Variants in CYTH4 observed in about 807,000 individuals in gnomAD.
CYTH4 encodes the protein cytohesin 4, also known as cytohesin-4.
CYTH4 carries 22 observed loss-of-function variants against 57.5 expected under a neutral mutation model. That is an observed-to-expected ratio of 0.38 (90% confidence interval 0.27 to 0.55). The LOEUF (loss-of-function observed/expected upper bound fraction) is 0.55, where lower values mean the gene tolerates loss of function less well. CYTH4 is among the 20% of genes least tolerant of loss of function. CYTH4 has a pLI of 0.74. For missense variants in CYTH4, 420 were observed against 535.6 expected (o/e 0.78, Z 2.13); for synonymous variants, 186 against 206.5 (o/e 0.90, Z 0.85).
chr22:37,305,894 G>A (rs947392653), intron 8 of CYTH4, among the ~76,000 whole-genome samples: 1 of 152,148 alleles, frequency 6.6e-6, no homozygotes, highest in South Asian at 2.1e-4. Flanking sequence ...TGGTAGTCAG[G>A]GGACAGGAGG....
chr22:37,304,184 T>C (rs1056312143), intron 8 of CYTH4: 22 of 456,414 alleles, frequency 4.8e-5, no homozygotes, highest in African/African-American at 4.2e-4. Flanking sequence ...TACATGGGAG[T>C]GCTCCCAGAG....
At chr22:37,297,760 G>A (rs1270693161) in intron 5 of CYTH4, 78 bp downstream of exon 5, 5 of 1,258,660 alleles carry the variant, frequency 4.0e-6, no homozygotes, top group Non-Finnish European at 5.8e-6. Context: ...GTGCAGGTGA[G>A]AGGATGAATT....
chr22:37,285,477 A>G (rs553400448), intron 1 of CYTH4, among the ~76,000 whole-genome samples: 36 of 152,256 alleles, frequency 2.4e-4, no homozygotes, highest in African/African-American at 8.2e-4. Flanking sequence ...AGGCCAAGGC[A>G]GGTGGATCAC....
At position 37,313,458 on chromosome 22, in the gene CYTH4, C is replaced by A; in HGVS notation, c.1132C>A (p.Pro378Thr). 1.2e-6 allele frequency: 2 copies of A among 1,614,150 alleles called. No homozygotes were observed. Among genetic ancestry groups the A allele is most frequent in the Non-Finnish European group, 1.7e-6 (2 of 1,179,992 alleles). ...ESIRASITRV[P>T]FYDLVSTRKK... Reference sequence around the variant, plus strand: ...TTCTAGAGCCAGCATCACCCGTGTCCCCTTCTACGACCTGGTCTCTACTCG... The same window carrying A: ...TTCTAGAGCCAGCATCACCCGTGTCACCTTCTACGACCTGGTCTCTACTCG... The change falls in exon 13 of 13, where the codon CCC becomes ACC. Residue 378 changes from proline (P) to threonine (T), a missense_variant. Pro to Thr is a conservative substitution (Grantham distance 38, BLOSUM62 -1). Coordinates refer to ENST00000248901, the MANE Select transcript of CYTH4 (RefSeq NM_013385.5).
At chr22:37,296,320 A>G in intron 4 of CYTH4, 1 of 525,186 alleles carries the variant, frequency 1.9e-6, no homozygotes, top group Non-Finnish European at 3.4e-6. Context: ...CACTTGGCCT[A>G]GTCCCTTCCC....
chr22:37,313,016 T>C (rs74356564), intron 12 of CYTH4, among the ~76,000 whole-genome samples: 3,857 of 152,296 alleles, frequency 0.025, 162 homozygotes, highest in African/African-American at 0.09. Context: ...ACCTCCATCT[T>C]ACACATGAGG....
chr22:37,297,900 A>C, intron 5 of CYTH4: 1 of 440,654 alleles, frequency 2.3e-6, no homozygotes, highest in East Asian at 4.4e-5. Context: ...CTCAGGGTCT[A>C]CTGTGTTCCA....
At chr22:37,293,672 G>A (rs570702538) in intron 2 of CYTH4, among the ~76,000 whole-genome samples, 1 of 152,322 alleles carries the variant, frequency 6.6e-6, no homozygotes, top group South Asian at 2.1e-4. Context: ...CCAGCACCCT[G>A]CAGATCCTGG....
At chr22:37,309,876 C>A in intron 9 of CYTH4, 1 of 367,932 alleles carries the variant, frequency 2.7e-6, no homozygotes, top group Admixed American at 3.3e-5. Context: ...GGCCTGCACC[C>A]TGCAGAGAGC....
At chr22:37,291,398 G>C (rs1288205917) in intron 1 of CYTH4, among the ~76,000 whole-genome samples, 2 of 152,134 alleles carry the variant, frequency 1.3e-5, no homozygotes, top group Non-Finnish European at 2.9e-5. Flanking sequence ...CATTCCCTCT[G>C]TGTTCTTTTG....
At chr22:37,292,843 AG>A (rs1928800786) in intron 2 of CYTH4, 140 bp downstream of exon 2, 1 of 734,832 alleles carries the variant, frequency 1.4e-6, no homozygotes, top group South Asian at 1.9e-5. Flanking sequence ...CCCCAGCCCC[AG>A]GAGCAGGGAG....
intron 9 of CYTH4, among the ~76,000 whole-genome samples, 172 bp from the exon 10 acceptor site, chr22:37,310,816 T>G (rs113683846): frequency 6.6e-6 from 1 of 152,126 alleles, no homozygotes; most frequent in African/African-American, 2.4e-5. Context: ...CAGGAGCCAC[T>G]AAGGTTCTTG....
chr22:37,283,191 C>G (rs1401610180), intron 1 of CYTH4, among the ~76,000 whole-genome samples: 1 of 145,764 alleles, frequency 6.9e-6, no homozygotes, highest in Admixed American at 6.8e-5. Context: ...CTGCCTAGAG[C>G]CAGGGGAGGG....
Position 37,303,291 on chromosome 22 carries a change from C to T in CYTH4, c.585C>T (p.Leu195=). ...CYVLSFSIIM[L]NTSLHNPNVR... is the part of the protein sequence containing the mutation. ...TGTTGTCCTTCTCCATCATCATGCT[C>T]AACACCAGCCTCCACAATCCCAACG... The change falls in exon 8 of 13, where the codon CTC becomes CTT. Residue 195 remains leucine (L), a synonymous_variant. Transcript: ENST00000248901. 1 of 1,614,222 alleles carries T rather than the reference C, an allele frequency of 6.2e-7. No homozygotes were observed. The highest frequency in any genetic ancestry group is 8.5e-7 in the Non-Finnish European group (1 of 1,180,028).
chr22:37,288,282 C>T (rs924270768), intron 1 of CYTH4, among the ~76,000 whole-genome samples: 10 of 152,170 alleles, frequency 6.6e-5, no homozygotes, highest in Admixed American at 5.9e-4. Flanking sequence ...CATGGTGGCT[C>T]ATGTCTGTGG....
intron 8 of CYTH4, 135 bp from the exon 9 acceptor site, chr22:37,309,077 C>A: frequency 1.5e-6 from 1 of 682,490 alleles, no homozygotes; most frequent in Non-Finnish European, 2.4e-6. Context: ...AGCCCAGGGA[C>A]CACGATAAAC....
intron 1 of CYTH4, 38 bp from the exon 2 acceptor site, chr22:37,292,583 G>C (rs1928785874): frequency 6.2e-7 from 1 of 1,608,414 alleles, no homozygotes; most frequent in Non-Finnish European, 8.5e-7. Flanking sequence ...GGTGTGGCTG[G>C]AGCCAAGTGA....
intron 5 of CYTH4, chr22:37,297,985 A>G: frequency 4.1e-6 from 1 of 246,206 alleles, no homozygotes; most frequent in African/African-American, 2.2e-5. Context: ...AGTCCATGCT[A>G]GTGGGAGAGA....
rs15996 is a variant in CYTH4 at position 37,315,037 on chromosome 22, C to G, written c.*1526C>G. The G allele has an allele frequency of 0.38, 57,511 of 152,130 alleles. 11,252 individuals are homozygous for G. Among genetic ancestry groups the G allele is most frequent in the South Asian group, 0.65 (3,154 of 4,830 alleles). The allele number at this position is 152,130 out of a possible 1,614,324, so 9.4% of individuals were successfully genotyped here. A position where few individuals can be genotyped will look rare whatever the true frequency, so the allele number is the denominator to read the frequency against. ...TCTGGGTTGGGCGTCTGCAGGAGGA[C>G]ACCTTGTGGGACATCTGAGGACATC... is the stretch of plus-strand genomic sequence containing the variant. On this transcript the variant is annotated 3_prime_UTR_variant, in exon 13 of 13. Transcript: ENST00000248901.
Sources: gnomAD v4.1 joint callset for allele counts (sites outside exome capture counted in the v4.1 genomes callset) on GRCh38, gnomAD v4.1.1 for gene constraint, MANE v1.5 for transcripts, NCBI Gene and HGNC (gene_info 2026-07-23, HGNC 2026-07-21) for gene names.